The following TENM3 variants were observed in gnomAD, a reference collection of about 807,000 sequenced individuals.
TENM3 encodes the protein teneurin transmembrane protein 3.
TENM3 carries 63 observed loss-of-function variants against 255.1 expected under a neutral mutation model. That is an observed-to-expected ratio of 0.25 (90% CI 0.20 to 0.30). The LOEUF is 0.30. Among genes scored for constraint, TENM3 ranks in the 10% least tolerant of loss-of-function variants. The pLI, the probability that TENM3 is intolerant of heterozygous loss-of-function variation, is 1.00. For synonymous variants in TENM3, 1,306 were observed against 1,322.3 expected, an observed-to-expected ratio of 0.99 and a Z score of 0.27; for missense variants, 2,929 against 3,461.1, an observed-to-expected ratio of 0.85 and a Z score of 3.86.
chr4:181,554,970 T>C, the TENM3 span, among the ~76,000 whole-genome samples: 1 of 152,200 alleles, frequency 6.6e-6, no homozygotes, highest in Non-Finnish European at 1.5e-5. Context: ...CCAGATTAAA[T>C]GTCACCACTT....
At chr4:181,752,657 A>G in the TENM3 span, among the ~76,000 whole-genome samples, 1 of 152,198 alleles carries the variant, frequency 6.6e-6, no homozygotes, top group Middle Eastern at 3.2e-3. Context: ...TTGGAGTATG[A>G]GTCATTCACA....
At chr4:181,656,730 T>C in the TENM3 span, among the ~76,000 whole-genome samples, 2 of 151,244 alleles carry the variant, frequency 1.3e-5, no homozygotes, top group African/African-American at 4.9e-5. Flanking sequence ...GAACTGAATA[T>C]TGAAGGGAGG....
At chr4:181,467,899 T>C in the TENM3 span, among the ~76,000 whole-genome samples, 1 of 152,178 alleles carries the variant, frequency 6.6e-6, no homozygotes, top group African/African-American at 2.4e-5. Context: ...CTATATTATA[T>C]ATGTTAAAGA....
At chr4:181,970,347 A>G in the TENM3 span, among the ~76,000 whole-genome samples, 1 of 152,206 alleles carries the variant, frequency 6.6e-6, no homozygotes, top group Non-Finnish European at 1.5e-5. Context: ...AAGGCTACAG[A>G]GCAGTAAAAT....
At chr4:181,502,895 C>T in the TENM3 span, among the ~76,000 whole-genome samples, 1 of 152,252 alleles carries the variant, frequency 6.6e-6, no homozygotes, top group African/African-American at 2.4e-5. Context: ...AACAAACAGC[C>T]TCAAGAGGGA....
chr4:182,436,881 G>A (rs1259879934), intron 3 of TENM3, among the ~76,000 whole-genome samples: 4 of 152,214 alleles, frequency 2.6e-5, no homozygotes, highest in Non-Finnish European at 5.9e-5. Context: ...AGCCAGGCGT[G>A]GTGGTGGGCA....
At chr4:182,419,136 T>C (rs1770606271) in intron 3 of TENM3, among the ~76,000 whole-genome samples, 1 of 152,202 alleles carries the variant, frequency 6.6e-6, no homozygotes, top group South Asian at 2.1e-4. Flanking sequence ...CCTGAACACA[T>C]GATGCAGACT....
the TENM3 span, among the ~76,000 whole-genome samples, chr4:181,538,447 A>G: frequency 5.9e-5 from 9 of 152,000 alleles, 1 homozygote; most frequent in African/African-American, 1.7e-4. Context: ...GTACTCTATG[A>G]AGAGGATGGG....
At chr4:181,794,124 T>G in the TENM3 span, among the ~76,000 whole-genome samples, 1 of 152,174 alleles carries the variant, frequency 6.6e-6, no homozygotes, top group African/African-American at 2.4e-5. Flanking sequence ...ACTGTTTTTA[T>G]TTTTCCCCCA....
At chr4:182,210,382 C>T (rs1195168935) in intron 1 of TENM3, among the ~76,000 whole-genome samples, 1 of 152,176 alleles carries the variant, frequency 6.6e-6, no homozygotes, top group East Asian at 1.9e-4. Context: ...GTTACTCTCT[C>T]CTCTCAAAGC....
chr4:182,498,432 C>T (rs532006602), intron 3 of TENM3, among the ~76,000 whole-genome samples: 49 of 152,244 alleles, frequency 3.2e-4, no homozygotes, highest in Admixed American at 2.2e-3. Context: ...AATAGTGTCA[C>T]GATCCATTCC....
At chr4:182,087,980 T>C in the TENM3 span, among the ~76,000 whole-genome samples, 1 of 152,200 alleles carries the variant, frequency 6.6e-6, no homozygotes, top group African/African-American at 2.4e-5. Flanking sequence ...CAGTAGGCGC[T>C]ACATAAATGC....
At chr4:181,540,852 A>G in the TENM3 span, among the ~76,000 whole-genome samples, 1 of 152,124 alleles carries the variant, frequency 6.6e-6, no homozygotes, top group Non-Finnish European at 1.5e-5. Flanking sequence ...ATTAAGAAAT[A>G]CAGAGGAAAT....
At chr4:182,008,949 G>T in the TENM3 span, among the ~76,000 whole-genome samples, 1 of 152,004 alleles carries the variant, frequency 6.6e-6, no homozygotes, top group Non-Finnish European at 1.5e-5. Flanking sequence ...TATTGTTACT[G>T]CTTTCTGCTT....
At chr4:182,504,503 A>G (rs1037052490) in intron 3 of TENM3, among the ~76,000 whole-genome samples, 2 of 152,126 alleles carry the variant, frequency 1.3e-5, no homozygotes, top group Non-Finnish European at 2.9e-5. Flanking sequence ...GCTATACAAG[A>G]TATGTTTTGG....
chr4:181,746,989 T>G, the TENM3 span, among the ~76,000 whole-genome samples: 1 of 152,248 alleles, frequency 6.6e-6, no homozygotes, highest in Non-Finnish European at 1.5e-5. Flanking sequence ...TCTCTGCATA[T>G]GTATATATTT....
chr4:182,615,042 A>AT (rs1553999648), intron 4 of TENM3, among the ~76,000 whole-genome samples: 11 of 57,462 alleles, frequency 1.9e-4, no homozygotes, highest in African/African-American at 4.9e-4. Context: ...AAAAAAAAAA[A>AT]ATACATATAT....
intron 1 of TENM3, among the ~76,000 whole-genome samples, chr4:182,171,834 A>C (rs1385754355): frequency 6.6e-6 from 1 of 152,206 alleles, no homozygotes; most frequent in Admixed American, 6.5e-5. Flanking sequence ...ATGAATTTTC[A>C]TGGCTTAATA....
the TENM3 span, among the ~76,000 whole-genome samples, chr4:181,584,714 T>C: frequency 6.6e-6 from 1 of 152,168 alleles, no homozygotes; most frequent in Non-Finnish European, 1.5e-5. Flanking sequence ...TTTCATCCTA[T>C]AGGTTTTGAA....
Sources: allele counts gnomAD v4.1 joint callset (sites outside exome capture counted in the v4.1 genomes callset), GRCh38; gene constraint gnomAD v4.1.1; transcripts MANE v1.5; gene names NCBI Gene and HGNC (gene_info 2026-07-23, HGNC 2026-07-21).